The following EXOC6B variants were observed in gnomAD, a reference collection of about 807,000 sequenced individuals.
EXOC6B encodes the protein exocyst complex component 6B.
A neutral mutation model predicts 113.5 loss-of-function variants in EXOC6B; 54 were observed. The ratio of observed to expected loss-of-function variants is 0.48; its 90% CI spans 0.38 to 0.60. EXOC6B has a LOEUF of 0.60. EXOC6B is among the 20% of genes least tolerant of loss of function. The probability of loss-of-function intolerance (pLI) is 0.00; values close to 1 mark genes in which losing one functional copy is unlikely to be tolerated. For synonymous variants in EXOC6B, 357 were observed against 339.0 expected (o/e 1.05, Z -0.58); for missense variants, 797 against 977.5 (o/e 0.82, Z 2.46).
intron 19 of EXOC6B, among the ~76,000 whole-genome samples, chr2:72,356,701 C>A (rs1689988514): frequency 6.6e-6 from 1 of 152,096 alleles, no homozygotes; most frequent in Non-Finnish European, 1.5e-5. Context: ...ACAAGAGCCC[C>A]TGATAGCAAA....
intron 19 of EXOC6B, among the ~76,000 whole-genome samples, chr2:72,362,728 C>T (rs1690395516): frequency 6.6e-6 from 1 of 152,082 alleles, no homozygotes; most frequent in Admixed American, 6.6e-5. Context: ...GAGGCTCCTG[C>T]AAAATGCAAG....
chr2:72,424,761 A>C (rs908211021), intron 18 of EXOC6B, among the ~76,000 whole-genome samples: 1 of 152,150 alleles, frequency 6.6e-6, no homozygotes, highest in Non-Finnish European at 1.5e-5. Flanking sequence ...AAATAGAAAC[A>C]TATCTAATTA....
At chr2:72,440,128 G>C (rs1225853136) in intron 18 of EXOC6B, among the ~76,000 whole-genome samples, 2 of 152,120 alleles carry the variant, frequency 1.3e-5, no homozygotes, top group Non-Finnish European at 1.5e-5. Context: ...AGACACTGTT[G>C]GGAGGTCTCA....
At chr2:72,559,561 C>T in intron 7 of EXOC6B, 40 bp from the exon 8 acceptor site, 1 of 1,541,952 alleles carries the variant, frequency 6.5e-7, no homozygotes. Flanking sequence ...TCAAACAAAG[C>T]TATTAAAAGC....
At chr2:72,289,092 G>T in intron 20 of EXOC6B, 1 of 284,546 alleles carries the variant, frequency 3.5e-6, no homozygotes, top group Admixed American at 3.9e-5. Context: ...CACAGGAGGG[G>T]AAATCCTGGG....
intron 20 of EXOC6B, among the ~76,000 whole-genome samples, chr2:72,185,104 C>CA (rs1028193408): frequency 6.6e-6 from 1 of 152,224 alleles, no homozygotes; most frequent in African/African-American, 2.4e-5. Flanking sequence ...CTAAGTAAAA[C>CA]AAACAAATAA....
intron 6 of EXOC6B, among the ~76,000 whole-genome samples, chr2:72,640,470 A>G (rs1364940278): frequency 1.3e-5 from 2 of 152,216 alleles, no homozygotes; most frequent in Non-Finnish European, 1.5e-5. Context: ...AACGTCCCCA[A>G]CCTAGCTGGA....
intron 8 of EXOC6B, among the ~76,000 whole-genome samples, chr2:72,555,706 G>A (rs1216210670): frequency 6.6e-6 from 1 of 152,180 alleles, no homozygotes; most frequent in Non-Finnish European, 1.5e-5. Flanking sequence ...GAGTGCAGTA[G>A]CATGATCTCG....
At chr2:72,234,114 T>C (rs1430601457) in intron 20 of EXOC6B, among the ~76,000 whole-genome samples, 18 of 143,746 alleles carry the variant, frequency 1.3e-4, no homozygotes, top group African/African-American at 4.6e-4. Flanking sequence ...TAAGACAGAG[T>C]CTTAGGCTGA....
intron 20 of EXOC6B, among the ~76,000 whole-genome samples, chr2:72,261,417 TG>T (rs1398790655): frequency 3.9e-5 from 6 of 152,224 alleles, no homozygotes; most frequent in Non-Finnish European, 5.9e-5. Flanking sequence ...ATCATAGAGT[TG>T]AAGGCTGGAA....
At chr2:72,654,669 A>G (rs1259056121) in intron 6 of EXOC6B, among the ~76,000 whole-genome samples, 1 of 152,190 alleles carries the variant, frequency 6.6e-6, no homozygotes, top group Non-Finnish European at 1.5e-5. Context: ...TTTCCTGATG[A>G]TAAAACTTTA....
intron 18 of EXOC6B, among the ~76,000 whole-genome samples, chr2:72,434,029 T>C (rs1695707754): frequency 6.6e-6 from 1 of 152,210 alleles, no homozygotes; most frequent in Non-Finnish European, 1.5e-5. Context: ...GGTATGATAT[T>C]GGCTGTGGGT....
intron 6 of EXOC6B, among the ~76,000 whole-genome samples, chr2:72,684,213 C>T (rs1676926463): frequency 6.6e-6 from 1 of 152,164 alleles, no homozygotes; most frequent in African/African-American, 2.4e-5. Context: ...AGGCATGAGC[C>T]ACCGTGCCAG....
chr2:72,317,152 G>GT (rs199991124), intron 20 of EXOC6B, among the ~76,000 whole-genome samples: 1,464 of 139,718 alleles, frequency 0.01, 11 homozygotes, highest in Non-Finnish European at 0.013. Context: ...GATAATTGTG[G>GT]TTTGTTTTTT....
chr2:72,373,381 G>A (rs1467985998), intron 19 of EXOC6B, among the ~76,000 whole-genome samples: 1 of 151,928 alleles, frequency 6.6e-6, no homozygotes, highest in African/African-American at 2.4e-5. Context: ...AATTAATACC[G>A]CATAAGCACA....
rs1378971603 is a variant in EXOC6B at position 72,184,141 on chromosome 2, T to A, written c.2243A>T (p.Asp748Val). Residue 748 changes from aspartate (D) to valine (V), a missense_variant, in exon 21 of 22, where the codon GAC becomes GTC. Coordinates refer to ENST00000272427, the MANE Select transcript of EXOC6B (RefSeq NM_015189.3). ...GTACTTGCAGTTGGGCTGACCATAGTCAGCAAGGTAGGTTGACCAATCCCA... is the reference window on the plus strand; with the variant it reads ...GTACTTGCAGTTGGGCTGACCATAGACAGCAAGGTAGGTTGACCAATCCCA... ...IQWDWSTYLA[D>V]YGQPNCKYLR... 3 of 1,563,450 alleles carry A rather than the reference T, an allele frequency of 1.9e-6. No homozygotes were observed. The highest frequency in any genetic ancestry group is 2.6e-6 in the Non-Finnish European group (3 of 1,153,238).
chr2:72,794,722 C>T (rs560825575), intron 1 of EXOC6B, among the ~76,000 whole-genome samples: 3 of 152,124 alleles, frequency 2.0e-5, no homozygotes, highest in African/African-American at 4.8e-5. Context: ...AGGAAACAAA[C>T]GTGAACAAGT....
At chr2:72,743,049 C>T (rs956232181) in intron 1 of EXOC6B, among the ~76,000 whole-genome samples, 4 of 152,184 alleles carry the variant, frequency 2.6e-5, no homozygotes, top group African/African-American at 9.7e-5. Context: ...TACAATTGCC[C>T]AAGCCAAAAA....
At chr2:72,592,371 T>G (rs1706027308) in intron 6 of EXOC6B, among the ~76,000 whole-genome samples, 1 of 152,150 alleles carries the variant, frequency 6.6e-6, no homozygotes, top group Admixed American at 6.6e-5. Context: ...GGAATGGCCT[T>G]GATATATCCC....
Sources: allele counts gnomAD v4.1 joint callset (sites outside exome capture counted in the v4.1 genomes callset), GRCh38; gene constraint gnomAD v4.1.1; transcripts MANE v1.5; gene names NCBI Gene and HGNC (gene_info 2026-07-23, HGNC 2026-07-21).